Variants in FBXL13 observed in about 807,000 individuals in gnomAD.
FBXL13 encodes the protein F-box and leucine rich repeat protein 13, also known as F-box and leucine-rich repeat protein 13.
In FBXL13, 67 loss-of-function variants were observed where a neutral mutation model predicts 83.6. The ratio of observed to expected loss-of-function variants is 0.80; its 90% CI spans 0.66 to 0.98. The LOEUF (loss-of-function observed/expected upper bound fraction) is 0.98, where lower values mean the gene tolerates loss of function less well. FBXL13 is among the 50% of genes least tolerant of loss of function. The probability of loss-of-function intolerance (pLI) is 0.00; values close to 1 mark genes in which losing one functional copy is unlikely to be tolerated. For missense variants in FBXL13, 822 were observed against 866.5 expected (o/e 0.95, Z 0.64); for synonymous variants, 272 against 299.5 (o/e 0.91, Z 0.95).
intron 8 of FBXL13, among the ~76,000 whole-genome samples, chr7:102,953,693 G>C (rs1254656601): frequency 2.0e-5 from 3 of 152,084 alleles, no homozygotes. Flanking sequence ...TACATAAAAT[G>C]TATCTCAATA....
chr7:102,970,360 T>G (rs183995378), intron 6 of FBXL13, among the ~76,000 whole-genome samples: 2 of 152,060 alleles, frequency 1.3e-5, no homozygotes, highest in East Asian at 3.9e-4. Context: ...AAAAAATGAA[T>G]GAAAAGAAAA....
intron 16 of FBXL13, among the ~76,000 whole-genome samples, chr7:102,859,049 A>G (rs1338470018): frequency 1.3e-5 from 2 of 152,248 alleles, no homozygotes; most frequent in Admixed American, 6.5e-5. Context: ...TAATAATTGT[A>G]TAAGTACATA....
chr7:103,016,391 G>A (rs776970194), intron 6 of FBXL13, among the ~76,000 whole-genome samples: 21 of 152,004 alleles, frequency 1.4e-4, no homozygotes, highest in Non-Finnish European at 2.1e-4. Context: ...GGTGAGTGAC[G>A]CAGAAGACGG....
At chr7:102,832,757 G>C in intron 18 of FBXL13, 83 bp downstream of exon 19, 3 of 1,428,060 alleles carry the variant, frequency 2.1e-6, no homozygotes, top group Non-Finnish European at 2.8e-6. Flanking sequence ...AACATATTCT[G>C]AGTCCAGCCC....
At chr7:102,931,891 G>A in exon 9 of FBXL13, 1 of 1,613,330 alleles carries the variant, frequency 6.2e-7, no homozygotes, top group Non-Finnish European at 8.5e-7. Context: ...TGTGAATGTT[G>A]GGCAGTCAGA....
chr7:103,073,899 C>T (rs1183230372), intron 1 of FBXL13, among the ~76,000 whole-genome samples: 1 of 152,160 alleles, frequency 6.6e-6, no homozygotes, highest in Admixed American at 6.5e-5. Context: ...CTCGAACCTC[C>T]TACTGCACCA....
intron 6 of FBXL13, among the ~76,000 whole-genome samples, chr7:102,993,305 A>G (rs1829772237): frequency 6.6e-6 from 1 of 152,242 alleles, no homozygotes; most frequent in South Asian, 2.1e-4. Context: ...ACAACATGGT[A>G]CTAGTTTTAA....
chr7:102,878,521 G>T, intron 14 of FBXL13, 71 bp from the exon 16 acceptor site: 1 of 1,017,386 alleles, frequency 9.8e-7, no homozygotes, highest in Non-Finnish European at 1.4e-6. Flanking sequence ...TAAAGTAATA[G>T]CTACCATACC....
intron 11 of FBXL13, among the ~76,000 whole-genome samples, chr7:102,901,691 G>T (rs1812981812): frequency 6.6e-6 from 1 of 152,092 alleles, no homozygotes; most frequent in African/African-American, 2.4e-5. Flanking sequence ...AATAAGTGAT[G>T]GGGGATGTTT....
chr7:102,938,694 T>C (rs1427704035), intron 8 of FBXL13, among the ~76,000 whole-genome samples: 1 of 152,232 alleles, frequency 6.6e-6, no homozygotes, highest in Admixed American at 6.5e-5. Context: ...ATATACTCTT[T>C]ATCAAAAGCA....
Position 102,931,951 on chromosome 7 carries a change from C to G in FBXL13, c.725-18G>C, listed in dbSNP as rs771016951. 1 of 1,611,728 alleles carries G rather than the reference C, an allele frequency of 6.2e-7. No homozygotes were observed. Among genetic ancestry groups the G allele is most frequent in the African/African-American group, 1.3e-5 (1 of 74,884 alleles). On this transcript the variant is annotated intron_variant, in intron 8 of 19. Coordinates refer to ENST00000313221, the Ensembl canonical transcript of FBXL13. ...ACAGTGGCCTAAATCAAATAAGTTACACGTCACTAAACTACATATTGCAAA... is the reference window on the plus strand; with the variant it reads ...ACAGTGGCCTAAATCAAATAAGTTAGACGTCACTAAACTACATATTGCAAA...
Position 102,913,228 on chromosome 7 carries a change from A to C in FBXL13, c.879-13T>G, listed in dbSNP as rs1332376899. 3.1e-6 allele frequency: 5 copies of C among 1,613,906 alleles called. No individual in the cohort carries two copies. The highest frequency in any genetic ancestry group is 4.2e-6 in the Non-Finnish European group (5 of 1,179,946). ...GTTGTGGAAGTGCCTGAAAAGACAA[A>C]AGAGAGGAAGGAAAGTATTATACTT... On this transcript the variant is annotated splice_polypyrimidine_tract_variant and intron_variant, in intron 10 of 19. Coordinates refer to ENST00000313221, the Ensembl canonical transcript of FBXL13.
chr7:103,040,297 C>G (rs573097316), intron 2 of FBXL13, among the ~76,000 whole-genome samples: 2 of 152,130 alleles, frequency 1.3e-5, no homozygotes, highest in African/African-American at 4.8e-5. Context: ...TATATGCACC[C>G]AATACAGGAG....
Position 102,822,028 on chromosome 7 carries a change from G to C in FBXL13, c.2018+12C>G. 1 of 1,613,902 alleles carries C rather than the reference G, an allele frequency of 6.2e-7. No homozygotes were observed. The highest frequency in any genetic ancestry group is 8.5e-7 in the Non-Finnish European group (1 of 1,179,906). ...GTTCTCAAAAGTTTGTCATAGTCAG[G>C]TACATACTTACTTGGAAATATTTGT... On this transcript the variant is annotated intron_variant, in intron 19 of 19. Transcript: ENST00000313221.
intron 11 of FBXL13, among the ~76,000 whole-genome samples, chr7:102,911,305 T>G (rs958137062): frequency 1.3e-5 from 2 of 152,216 alleles, no homozygotes; most frequent in African/African-American, 4.8e-5. Flanking sequence ...GCTACAATAA[T>G]TGCCTCATGG....
Position 102,932,231 on chromosome 7 carries a change from G to C in FBXL13, c.725-298C>G, listed in dbSNP as rs113921744. On this transcript the variant is annotated intron_variant, in intron 8 of 19. Transcript: ENST00000313221. ...AGCTTTTAGCTTGAAAGCACTTGAA[G>C]AAAACCAACCTGGTTTTTTGTGCCT... is the stretch of plus-strand genomic sequence containing the variant. Among the ~76,000 whole-genome samples, 329 of 152,258 alleles carry C rather than the reference G, an allele frequency of 2.2e-3. 1 individual carries two copies. The highest frequency in any genetic ancestry group is 7.7e-3 in the African/African-American group (320 of 41,568).
intron 17 of FBXL13, among the ~76,000 whole-genome samples, chr7:102,834,126 G>GA (rs1486337943): frequency 9.1e-6 from 1 of 109,494 alleles, no homozygotes; most frequent in Admixed American, 8.1e-5. Flanking sequence ...AAGAAAGAAA[G>GA]AAAGAAAGAA....
intron 2 of FBXL13, among the ~76,000 whole-genome samples, chr7:103,052,996 A>T (rs1292729963): frequency 6.6e-6 from 1 of 151,790 alleles, no homozygotes; most frequent in African/African-American, 2.4e-5. Flanking sequence ...ACCTCAGGTG[A>T]TCCACCCGCC....
At chr7:102,986,580 G>C (rs1828981061) in intron 6 of FBXL13, among the ~76,000 whole-genome samples, 1 of 152,116 alleles carries the variant, frequency 6.6e-6, no homozygotes, top group Non-Finnish European at 1.5e-5. Context: ...CTGAAGTCCA[G>C]TTCTCTTCAT....
Sources: gnomAD v4.1 joint callset for allele counts (sites outside exome capture counted in the v4.1 genomes callset) on GRCh38, gnomAD v4.1.1 for gene constraint, MANE v1.5 for transcripts, NCBI Gene and HGNC (gene_info 2026-07-23, HGNC 2026-07-21) for gene names.